Variants in NEB observed in about 807,000 individuals in gnomAD.
NEB encodes the protein nebulin, also known as nemaline myopathy type 2.
A neutral mutation model predicts 952.2 loss-of-function variants in NEB; 512 were observed. The ratio of observed to expected loss-of-function variants is 0.54; its 90% CI spans 0.50 to 0.58. NEB has a LOEUF of 0.58. Among genes scored for constraint, NEB ranks in the 20% least tolerant of loss-of-function variants. The pLI is 0.00. For synonymous variants in NEB, 2,900 were observed against 3,149.8 expected (o/e 0.92, Z 2.66); for missense variants, 8,428 against 9,231.1 (o/e 0.91, Z 3.56).
intron 181 of NEB, among the ~76,000 whole-genome samples, chr2:151,488,614 G>A (rs1248187876): frequency 6.6e-6 from 1 of 151,984 alleles, no homozygotes; most frequent in Non-Finnish European, 1.5e-5. Flanking sequence ...CCACCACACT[G>A]CAGCCTGGGT....
At position 151,518,358 on chromosome 2, in the gene NEB, T is replaced by C; in HGVS notation, c.22760A>G (p.Glu7587Gly). 1.2e-6 allele frequency: 2 copies of C among 1,612,154 alleles called. No homozygotes were observed. The highest frequency in any genetic ancestry group is 1.7e-6 in the Non-Finnish European group (2 of 1,178,224). The change falls in exon 156 of 182, where the codon GAG becomes GGG. Residue 7587 changes from glutamate (E) to glycine (G), a missense_variant. Physicochemically the swap from Glu to Gly is moderately conservative, Grantham distance 98. Coordinates refer to ENST00000397345, the MANE Select transcript of NEB (RefSeq NM_001164508.2). ...GHYHTIPDNL[E>G]QLHLKEATEL... is the part of the protein sequence containing the mutation. ...TGTGGCCTCTTTTAGGTGAAGCTGC[T>C]CCAGATTATCGGGTATGGTGTGGTA...
intron 64 of NEB, among the ~76,000 whole-genome samples, chr2:151,635,589 C>A (rs767302867): frequency 6.6e-6 from 1 of 151,680 alleles, no homozygotes; most frequent in South Asian, 2.1e-4. Context: ...GCCTGTAATC[C>A]CAGCTACTCG....
At chr2:151,492,586 A>G in intron 176 of NEB, 92 bp from the exon 177 acceptor site, 1 of 935,548 alleles carries the variant, frequency 1.1e-6, no homozygotes. Flanking sequence ...GGAGCTGGTG[A>G]GGGACGCTTG....
intron 125 of NEB, 38 bp from the exon 126 acceptor site, chr2:151,554,063 T>C (rs2095488014): frequency 1.2e-6 from 2 of 1,600,376 alleles, no homozygotes. Context: ...ATACAGGAAA[T>C]TGTGCCAAGG....
At chr2:151,637,146 T>C (rs62174727) in intron 63 of NEB, among the ~76,000 whole-genome samples, 1,679 of 152,280 alleles carry the variant, frequency 0.011, 17 homozygotes, top group Non-Finnish European at 0.017. Flanking sequence ...GAGAGACTGA[T>C]AACCTGTGGA....
At chr2:151,577,356 C>T (rs1376246487) in intron 105 of NEB, among the ~76,000 whole-genome samples, 1 of 152,162 alleles carries the variant, frequency 6.6e-6, no homozygotes, top group Non-Finnish European at 1.5e-5. Flanking sequence ...CTCATCAGCC[C>T]TCTTTGCACA....
rs2049621078 is a variant in NEB at position 151,485,471 on chromosome 2, A to G, written c.*289T>C. 1 of 257,032 alleles carries G rather than the reference A, an allele frequency of 3.9e-6. No individual in the cohort carries two copies. The highest frequency in any genetic ancestry group is 2.2e-5 in the African/African-American group (1 of 45,298). The allele number at this position is 257,032 out of a possible 1,614,324, so 15.9% of individuals were successfully genotyped here. On this transcript the variant is annotated 3_prime_UTR_variant, in exon 182 of 182. Transcript: ENST00000397345. The stretch of plus-strand genomic sequence containing the variant: ...GAACATCTCTGCTATTTTTCCTTTA[A>G]TGTGTTTGGCATATTCAAAATCCCT...
intron 55 of NEB, among the ~76,000 whole-genome samples, chr2:151,645,289 C>G (rs760689928): frequency 1.3e-4 from 20 of 152,112 alleles, no homozygotes; most frequent in Non-Finnish European, 2.9e-4. Flanking sequence ...AAAATCATGC[C>G]TAAGGGGTTA....
chr2:151,713,947 G>A (rs1348638247), intron 10 of NEB, among the ~76,000 whole-genome samples: 2 of 152,156 alleles, frequency 1.3e-5, no homozygotes, highest in African/African-American at 2.4e-5. Flanking sequence ...TAAGAAAAGG[G>A]TGTGAGGATG....
At position 151,666,278 on chromosome 2, in the gene NEB, T is replaced by C. The variant is rs1237432906; in HGVS notation, c.4843A>G (p.Lys1615Glu). Residue 1615 changes from lysine to glutamate, a missense_variant, in exon 41 of 182, where the codon AAA becomes GAA. By Grantham distance (56) the Lys-to-Glu change is moderately conservative (BLOSUM62 1). This residue lies in a region of NEB where 2,851 missense variants were observed against 2,791.5 expected (regional missense o/e 1.02). Coordinates refer to ENST00000397345, the MANE Select transcript of NEB (RefSeq NM_001164508.2). ...GTCTTGCTGGCTTCATAGCCCTTTT[T>C]GTACTCACGATCAGACTGGATTTTG... ...VAKIQSDREY[K>E]KGYEASKTKY... is the part of the protein sequence containing the mutation. 1.9e-6 allele frequency: 3 copies of C among 1,613,982 alleles called. No homozygotes were observed. The highest frequency in any genetic ancestry group is 2.5e-6 in the Non-Finnish European group (3 of 1,179,870).
At position 151,627,319 on chromosome 2, in the gene NEB, C is replaced by T. The variant is rs905856007; in HGVS notation, c.10144-114G>A. 3 of 1,400,160 alleles carry T rather than the reference C, an allele frequency of 2.1e-6. No homozygotes were observed. The African/African-American group carries it at 4.4e-5, about 20-fold the overall frequency. The allele number at this position is 1,400,160 out of a possible 1,614,324, so 86.7% of individuals were successfully genotyped here. On this transcript the variant is annotated intron_variant, in intron 69 of 181. Coordinates refer to ENST00000397345, the MANE Select transcript of NEB (RefSeq NM_001164508.2). ...AGTCAAATTTCATGTATACGTTCTT[C>T]AATATATGAAGGCCAAATTGAATAC...
rs1445297159 is a variant in NEB at position 151,547,423 on chromosome 2, G to A, written c.20367+6C>T. The A allele has an allele frequency of 6.3e-7, 1 of 1,583,556 alleles. No homozygotes were observed. Among genetic ancestry groups the A allele is most frequent in the South Asian group, 1.2e-5 (1 of 86,738 alleles). On this transcript the variant is annotated splice_donor_region_variant and intron_variant, in intron 133 of 181. Coordinates refer to ENST00000397345, the MANE Select transcript of NEB (RefSeq NM_001164508.2). ...TACTCCAGAAAGACCCCTACGAGAT[G>A]CTTACATCACTGGTGATGTCTCCCA...
intron 156 of NEB, 42 bp from the exon 157 acceptor site, chr2:151,516,605 A>C (rs1255951125): frequency 7.9e-7 from 1 of 1,269,524 alleles, no homozygotes. Context: ...CCTCTGGTCA[A>C]TTCCTAGACA....
At chr2:151,627,441 T>A (rs2098547515) in intron 69 of NEB, 82 bp downstream of exon 69, 2 of 1,548,086 alleles carry the variant, frequency 1.3e-6, no homozygotes, top group African/African-American at 1.4e-5. Flanking sequence ...TTCTGAAGGT[T>A]CTACCTAATG....
chr2:151,534,283 T>C, intron 142 of NEB: 1 of 1,613,700 alleles, frequency 6.2e-7, no homozygotes, highest in Non-Finnish European at 8.5e-7. Flanking sequence ...AGGTGGTATT[T>C]ATCTTTCCGC....
intron 78 of NEB, among the ~76,000 whole-genome samples, 164 bp from the exon 79 acceptor site, chr2:151,611,030 G>A (rs1299045280): frequency 2.0e-5 from 3 of 152,152 alleles, no homozygotes; most frequent in South Asian, 2.1e-4. Flanking sequence ...AAGAGTCATG[G>A]GGAAAGTAAA....
At position 151,619,414 on chromosome 2, in the gene NEB, G is replaced by A. The variant is rs765743259; in HGVS notation, c.10872+37C>T. 18 of 1,545,052 alleles carry A rather than the reference G, an allele frequency of 1.2e-5. No individual in the cohort carries two copies. The East Asian group carries it at 2.7e-4, about 23-fold the overall frequency. ...GAACTCACAGACACGTTTCAGATCC[G>A]CTTTTAACATGCAGAGCTAACATCA... On this transcript the variant is annotated intron_variant, in intron 73 of 181. Coordinates refer to ENST00000397345, the MANE Select transcript of NEB (RefSeq NM_001164508.2).
Position 151,569,276 on chromosome 2 carries a change from A to G in NEB, c.17527T>C (p.Phe5843Leu), listed in dbSNP as rs1375297860. ...VNHAKHAADIFSEKKYRTKIE... is the reference protein window; with the variant it reads ...VNHAKHAADILSEKKYRTKIE... ...GTAAAATCTTGGAATACCTCACTGA[A>G]GATGTCCGCGGCATGTTTGGCATGA... Residue 5843 changes from phenylalanine to leucine, a missense_variant, in exon 110 of 182, where the codon TTC becomes CTC. Transcript: ENST00000397345. 1 of 1,613,588 alleles carries G rather than the reference A, an allele frequency of 6.2e-7. No homozygotes were observed. Among genetic ancestry groups the G allele is most frequent in the Admixed American group, 1.7e-5 (1 of 59,990 alleles).
In NEB at chr2:151,666,091, T is replaced by A. The variant is rs201389582; in HGVS notation, c.5030A>T (p.Asp1677Val). The change falls in exon 41 of 182, where the codon GAT (aspartate) becomes GTT (valine). Residue 1677 changes from aspartate to valine, a missense_variant and splice_region_variant. Around this residue, in one of 11 missense-constraint regions of NEB, gnomAD observed 2,851 missense variants for 2,791.5 expected, o/e 1.02. Transcript: ENST00000397345. Reference sequence around the variant, plus strand: ...AACAACTTGGTAACCAGTACATACATCACTCTGAATCTGCATGGCATTCCT... The same window carrying A: ...AACAACTTGGTAACCAGTACATACAACACTCTGAATCTGCATGGCATTCCT... ...HSRNAMQIQS[D>V]NLYKSDFTNW... 5.6e-6 allele frequency: 9 copies of A among 1,610,362 alleles called. No homozygotes were observed. In the East Asian group the frequency reaches 1.1e-4, roughly 20 times the overall value.
Sources: gnomAD v4.1 joint callset for allele counts (sites outside exome capture counted in the v4.1 genomes callset) on GRCh38, gnomAD v4.1.1 for gene constraint, gnomAD v4.1.1 regional missense constraint, MANE v1.5 for transcripts, NCBI Gene and HGNC (gene_info 2026-07-23, HGNC 2026-07-21) for gene names.